The following LUZP2 variants were observed in gnomAD, a reference collection of about 807,000 sequenced individuals.
LUZP2 encodes leucine zipper protein 2.
A neutral mutation model predicts 51.6 loss-of-function variants in LUZP2; 52 were observed. The observed-to-expected ratio is 1.01, with a 90% confidence interval of 0.81 to 1.27. LUZP2 has a LOEUF of 1.27. Among genes scored for constraint, LUZP2 ranks in the 50% most tolerant of loss-of-function variants. The pLI is 0.00. For synonymous variants in LUZP2, 154 were observed against 137.3 expected, an observed-to-expected ratio of 1.12 and a Z score of -0.85; for missense variants, 436 against 395.4, an observed-to-expected ratio of 1.10 and a Z score of -0.87.
At chr11:24,731,440 A>G (rs947749319) in intron 2 of LUZP2, among the ~76,000 whole-genome samples, 2 of 151,712 alleles carry the variant, frequency 1.3e-5, no homozygotes, top group Non-Finnish European at 3.0e-5. Flanking sequence ...GTTATTAGAG[A>G]AGGCTTAATA....
intron 7 of LUZP2, among the ~76,000 whole-genome samples, chr11:24,974,642 C>G (rs1386163972): frequency 6.6e-6 from 1 of 151,916 alleles, no homozygotes; most frequent in East Asian, 1.9e-4. Context: ...GTTTCTGTTT[C>G]ACAAGAGAAG....
Position 25,080,660 on chromosome 11 carries a change from C to G in LUZP2, c.*2002C>G, listed in dbSNP as rs1347888956. ...TGTTCCTTGTAATTCTCCCACTGTT[C>G]TCAGTGGCCCTAACCATCTCTATAG... is the stretch of plus-strand genomic sequence containing the variant. On this transcript the variant is annotated 3_prime_UTR_variant, in exon 12 of 12. Transcript: ENST00000336930. The G allele has an allele frequency of 6.6e-5, 10 of 152,210 alleles. No individual in the cohort carries two copies. The highest frequency in any genetic ancestry group is 2.1e-4 in the South Asian group (1 of 4,816). 9.4% of individuals were successfully genotyped at this position (152,210 alleles called of 1,614,324 possible).
chr11:24,625,569 T>G (rs1014367224), intron 1 of LUZP2, among the ~76,000 whole-genome samples: 1 of 152,062 alleles, frequency 6.6e-6, no homozygotes, highest in African/African-American at 2.4e-5. Context: ...AAAAATAAAT[T>G]TAGAACATAT....
chr11:25,017,133 T>C (rs1857184375), intron 9 of LUZP2, among the ~76,000 whole-genome samples: 2 of 152,180 alleles, frequency 1.3e-5, no homozygotes, highest in South Asian at 4.1e-4. Context: ...TTGTTTTTTC[T>C]TGCTGATTTG....
At chr11:24,653,631 G>C (rs1855707696) in intron 1 of LUZP2, among the ~76,000 whole-genome samples, 1 of 152,252 alleles carries the variant, frequency 6.6e-6, no homozygotes, top group African/African-American at 2.4e-5. Context: ...GAACAGAATA[G>C]GGATGAATTC....
intron 9 of LUZP2, among the ~76,000 whole-genome samples, chr11:24,984,479 CTATAT>C (rs1028938827): frequency 8.2e-6 from 1 of 121,484 alleles, no homozygotes; most frequent in Non-Finnish European, 1.7e-5. Context: ...ATGTATTCAA[CTATAT>C]TATATTATTG....
At chr11:24,744,879 C>T (rs1459000216) in intron 4 of LUZP2, among the ~76,000 whole-genome samples, 3 of 151,992 alleles carry the variant, frequency 2.0e-5, no homozygotes, top group Non-Finnish European at 2.9e-5. Flanking sequence ...CCACCTTTCC[C>T]GTATCCCAGA....
chr11:24,816,589 A>G (rs1413529073), intron 5 of LUZP2, among the ~76,000 whole-genome samples: 7 of 152,112 alleles, frequency 4.6e-5, no homozygotes, highest in Admixed American at 2.0e-4. Flanking sequence ...AATTGATGCC[A>G]TAAGGTCAGA....
At chr11:24,756,913 C>T (rs12422212) in intron 4 of LUZP2, among the ~76,000 whole-genome samples, 7,206 of 152,296 alleles carry the variant, frequency 0.047, 286 homozygotes, top group Admixed American at 0.11. Flanking sequence ...CCATAACCAC[C>T]TGCTTTGTTT....
intron 5 of LUZP2, among the ~76,000 whole-genome samples, chr11:24,873,015 GA>G (rs1313260913): frequency 2.6e-5 from 4 of 152,050 alleles, no homozygotes; most frequent in Admixed American, 6.6e-5. Context: ...AACACTATTA[GA>G]AAAAAATTTT....
At chr11:25,075,196 C>T (rs889757942) in intron 10 of LUZP2, among the ~76,000 whole-genome samples, 1 of 152,060 alleles carries the variant, frequency 6.6e-6, no homozygotes, top group Non-Finnish European at 1.5e-5. Context: ...TAGAAGATTC[C>T]TCTATGTATA....
intron 7 of LUZP2, among the ~76,000 whole-genome samples, chr11:24,929,555 A>G (rs1854383294): frequency 6.6e-6 from 1 of 152,092 alleles, no homozygotes; most frequent in Admixed American, 6.5e-5. Context: ...GTTGAATTCC[A>G]ATTTCATTCC....
At chr11:24,962,293 C>T (rs549428802) in intron 7 of LUZP2, among the ~76,000 whole-genome samples, 125 of 152,234 alleles carry the variant, frequency 8.2e-4, no homozygotes, top group African/African-American at 2.7e-3. Context: ...CTGTATTTCC[C>T]GAATCTGAAT....
chr11:24,633,511 A>G (rs1854962398), intron 1 of LUZP2, among the ~76,000 whole-genome samples: 1 of 152,016 alleles, frequency 6.6e-6, no homozygotes, highest in African/African-American at 2.4e-5. Context: ...AAAGCAGTGG[A>G]AAAAAATGAT....
chr11:24,892,419 A>G (rs936466642), intron 5 of LUZP2: 3 of 978,122 alleles, frequency 3.1e-6, no homozygotes, highest in Non-Finnish European at 1.2e-6. Flanking sequence ...ATTAGCACTT[A>G]TTATAAAAAT....
intron 1 of LUZP2, among the ~76,000 whole-genome samples, chr11:24,523,253 G>A (rs1245956411): frequency 6.6e-6 from 1 of 151,780 alleles, no homozygotes; most frequent in Non-Finnish European, 1.5e-5. Flanking sequence ...TGCCCAGTCT[G>A]CTCAAATTTG....
chr11:24,922,367 A>C (rs1050985569), intron 7 of LUZP2, among the ~76,000 whole-genome samples: 1 of 152,194 alleles, frequency 6.6e-6, no homozygotes, highest in African/African-American at 2.4e-5. Context: ...TATGTATAAC[A>C]GAGTGTCAGA....
At chr11:24,746,159 T>G (rs975202331) in intron 4 of LUZP2, among the ~76,000 whole-genome samples, 3 of 152,214 alleles carry the variant, frequency 2.0e-5, no homozygotes. Context: ...CTGTGTGATT[T>G]ATGCTTTAAA....
At chr11:24,906,079 C>G (rs765471538) in intron 6 of LUZP2, 26 bp downstream of exon 6, 1 of 1,567,400 alleles carries the variant, frequency 6.4e-7, no homozygotes, top group South Asian at 1.1e-5. Context: ...CTTCTTCTAG[C>G]TTTAACCAGA....
Sources: gnomAD v4.1 joint callset for allele counts (sites outside exome capture counted in the v4.1 genomes callset) on GRCh38, gnomAD v4.1.1 for gene constraint, MANE v1.5 for transcripts, NCBI Gene and HGNC (gene_info 2026-07-23, HGNC 2026-07-21) for gene names.